PDE4D: variants seen among roughly 807,000 people sequenced by gnomAD.
PDE4D encodes the protein 3',5'-cyclic-AMP phosphodiesterase 4D.
Under a neutral mutation model 87.4 loss-of-function variants are expected in PDE4D, and 24 were observed. The ratio of observed to expected loss-of-function variants is 0.27; its 90% CI spans 0.20 to 0.39. The LOEUF is 0.39. Ranked by LOEUF, PDE4D falls within the 10% of genes least tolerant of loss-of-function variation. PDE4D has a pLI of 1.00. For missense variants in PDE4D, 714 were observed against 1,041.0 expected (o/e 0.69, Z 4.32); for synonymous variants, 384 against 383.2 (o/e 1.00, Z -0.02).
At chr5:60,305,369 G>C (rs1223577244) in intron 1 of PDE4D, among the ~76,000 whole-genome samples, 1 of 151,998 alleles carries the variant, frequency 6.6e-6, no homozygotes, top group Non-Finnish European at 1.5e-5. Flanking sequence ...AAGACAGTGG[G>C]CTTAAGCATT....
At position 59,234,997 on chromosome 5, in the gene PDE4D, T is replaced by A. The variant is rs1289085190; in HGVS notation, c.456-19029A>T. Among the ~76,000 whole-genome samples the A allele has an allele frequency of 4.6e-5, 7 of 152,284 alleles. No individual in the cohort carries two copies. The South Asian group carries it at 1.5e-3, about 32-fold the overall frequency. On this transcript the variant is annotated intron_variant, in intron 1 of 14. Coordinates refer to ENST00000340635, the MANE Select transcript of PDE4D (RefSeq NM_001104631.2). ...AATATGACTGTTTCACCACTCTTTTTCTTTTTTTATAGAATTCAGAACTTA... is the reference window on the plus strand; with the variant it reads ...AATATGACTGTTTCACCACTCTTTTACTTTTTTTATAGAATTCAGAACTTA...
At chr5:58,976,688 G>A (rs1254148789) in intron 12 of PDE4D, among the ~76,000 whole-genome samples, 1 of 152,144 alleles carries the variant, frequency 6.6e-6, no homozygotes, top group Non-Finnish European at 1.5e-5. Context: ...AGAAATGCTA[G>A]GCACTGACAA....
At chr5:59,554,932 A>G (rs1818653664) in intron 1 of PDE4D, among the ~76,000 whole-genome samples, 1 of 152,206 alleles carries the variant, frequency 6.6e-6, no homozygotes, top group South Asian at 2.1e-4. Flanking sequence ...ATATTGTGGA[A>G]AGCAGCTTGG....
At chr5:59,209,608 A>G (rs1749639493) in intron 2 of PDE4D, among the ~76,000 whole-genome samples, 2 of 152,242 alleles carry the variant, frequency 1.3e-5, no homozygotes, top group African/African-American at 4.8e-5. Context: ...GGCCAAAATA[A>G]ATAATAGTTC....
intron 1 of PDE4D, chr5:59,586,447 T>A: frequency 6.4e-7 from 1 of 1,566,314 alleles, no homozygotes; most frequent in East Asian, 2.3e-5. Context: ...ACAGATGAAT[T>A]CCAACTCTCT....
intron 1 of PDE4D, among the ~76,000 whole-genome samples, chr5:60,232,335 T>C (rs1193067374): frequency 6.6e-6 from 1 of 151,934 alleles, no homozygotes; most frequent in African/African-American, 2.4e-5. Context: ...GGGGTGCAAG[T>C]AGGTTATACT....
chr5:60,459,880 T>A (rs1746787479), intron 1 of PDE4D: 2 of 652,124 alleles, frequency 3.1e-6, no homozygotes, highest in Admixed American at 4.9e-5. Flanking sequence ...CTCTCCTTCC[T>A]CCCCTTCATC....
chr5:60,123,969 T>G lies in PDE4D; in HGVS notation c.42+61588A>C, dbSNP rs142478319. ...TAAGAGGTAAAATTAAAATATTACATGATAATATCCCAGTACAAATGGTCG... is the reference window on the plus strand; with the variant it reads ...TAAGAGGTAAAATTAAAATATTACAGGATAATATCCCAGTACAAATGGTCG... On this transcript the variant is annotated intron_variant, in intron 2 of 16. Transcript: ENST00000502484. 7.9e-5 allele frequency among the ~76,000 whole-genome samples: 12 copies of G among 152,282 alleles called. 1 individual carries two copies. The East Asian group carries it at 2.3e-3, about 29-fold the overall frequency.
intron 2 of PDE4D, among the ~76,000 whole-genome samples, chr5:59,998,569 T>C (rs1485352538): frequency 6.6e-6 from 1 of 152,176 alleles, no homozygotes; most frequent in East Asian, 1.9e-4. Context: ...CCAAGACTTA[T>C]ATAATCAAGA....
chr5:59,440,460 G>A (rs1797440160), intron 1 of PDE4D, among the ~76,000 whole-genome samples: 1 of 152,102 alleles, frequency 6.6e-6, no homozygotes, highest in African/African-American at 2.4e-5. Context: ...TTTACTTGGT[G>A]CCATCAAGCA....
chr5:59,328,992 C>T (rs1776224972), intron 1 of PDE4D, among the ~76,000 whole-genome samples: 3 of 152,312 alleles, frequency 2.0e-5, no homozygotes, highest in Admixed American at 6.5e-5. Context: ...GTGGTGGGCA[C>T]GGTGCCTTTC....
chr5:59,221,569 C>G (rs1387381568), intron 1 of PDE4D, among the ~76,000 whole-genome samples: 2 of 152,044 alleles, frequency 1.3e-5, no homozygotes, highest in Non-Finnish European at 2.9e-5. Flanking sequence ...GAGGTCGAGG[C>G]TGAAGTGAGC....
At chr5:59,952,349 G>A (rs573673779) in intron 3 of PDE4D, among the ~76,000 whole-genome samples, 6 of 152,118 alleles carry the variant, frequency 3.9e-5, no homozygotes, top group African/African-American at 1.2e-4. Flanking sequence ...TCCACAGTCC[G>A]TAAAATTCTC....
chr5:60,069,065 G>C (rs1772431646), intron 2 of PDE4D, among the ~76,000 whole-genome samples: 1 of 152,042 alleles, frequency 6.6e-6, no homozygotes, highest in African/African-American at 2.4e-5. Context: ...CCTTAATATG[G>C]ATATCCAGTT....
chr5:59,540,135 A>T (rs1027136105), intron 1 of PDE4D, among the ~76,000 whole-genome samples: 1 of 152,178 alleles, frequency 6.6e-6, no homozygotes, highest in East Asian at 1.9e-4. Flanking sequence ...TAACCTGGGG[A>T]ACACGCTTTG....
At chr5:59,494,254 G>A (rs1292965395) in intron 1 of PDE4D, among the ~76,000 whole-genome samples, 1 of 152,144 alleles carries the variant, frequency 6.6e-6, no homozygotes, top group East Asian at 1.9e-4. Flanking sequence ...TGTCAGATAT[G>A]TAATAAAGGC....
chr5:59,938,814 A>G (rs776190965), intron 3 of PDE4D, among the ~76,000 whole-genome samples: 2 of 152,184 alleles, frequency 1.3e-5, no homozygotes, highest in Non-Finnish European at 2.9e-5. Flanking sequence ...TCAGCCCTTC[A>G]GATTCAATTT....
At chr5:59,389,057 G>A (rs1245528395) in intron 1 of PDE4D, among the ~76,000 whole-genome samples, 2 of 151,942 alleles carry the variant, frequency 1.3e-5, no homozygotes, top group African/African-American at 4.8e-5. Flanking sequence ...TGAGTCAACC[G>A]CAGGGGAGTT....
intron 1 of PDE4D, among the ~76,000 whole-genome samples, chr5:59,885,174 G>A (rs1173207221): frequency 6.6e-6 from 1 of 151,958 alleles, no homozygotes; most frequent in Non-Finnish European, 1.5e-5. Context: ...CATTTATCCA[G>A]TTGGTTGAAT....
Sources: allele counts gnomAD v4.1 joint callset (sites outside exome capture counted in the v4.1 genomes callset), GRCh38; gene constraint gnomAD v4.1.1; transcripts MANE v1.5; gene names NCBI Gene and HGNC (gene_info 2026-07-23, HGNC 2026-07-21).